AAMDC: variants seen among roughly 807,000 people sequenced by gnomAD.
AAMDC encodes the protein adipogenesis associated Mth938 domain containing.
In AAMDC, 16 loss-of-function variants were observed where a neutral mutation model predicts 15.5. The observed-to-expected ratio is 1.03, with a 90% CI of 0.70 to 1.57. The LOEUF is 1.57. Among genes scored for constraint, AAMDC ranks in the 40% most tolerant of loss-of-function variants. The pLI, the probability that AAMDC is intolerant of heterozygous loss-of-function variation, is 0.00. For missense variants in AAMDC, 141 were observed against 144.9 expected, an observed-to-expected ratio of 0.97 and a Z score of 0.14; for synonymous variants, 51 against 51.6, an observed-to-expected ratio of 0.99 and a Z score of 0.05.
chr11:77,889,476 G>A (rs1227387976), intron 5 of AAMDC, among the ~76,000 whole-genome samples: 1 of 152,062 alleles, frequency 6.6e-6, no homozygotes. Context: ...CAGCACACCA[G>A]CATGGCACAT....
chr11:77,899,502 C>T (rs1026971717), intron 5 of AAMDC, among the ~76,000 whole-genome samples: 2 of 151,934 alleles, frequency 1.3e-5, no homozygotes, highest in African/African-American at 4.8e-5. Context: ...TGAAACCCGT[C>T]TCTACTGAAA....
rs372572892 is a variant in AAMDC, at chr11:77,852,575, G to A, written c.132+9947G>A. On this transcript the variant is annotated intron_variant, in intron 2 of 3. Transcript: ENST00000393427. ...GATTACAATTCAACATGAGATTTGC[G>A]CAGGGACACAAATCCAAACCATATC... 2.8e-4 allele frequency among the ~76,000 whole-genome samples: 43 copies of A among 152,070 alleles called. No individual in the cohort carries two copies. The East Asian group carries it at 3.9e-3, about 14-fold the overall frequency.
chr11:77,858,631 C>G (rs1950742394), intron 2 of AAMDC, among the ~76,000 whole-genome samples: 1 of 152,146 alleles, frequency 6.6e-6, no homozygotes, highest in Non-Finnish European at 1.5e-5. Context: ...TCAGTCCCCC[C>G]TCTCAACAGG....
downstream of AAMDC, among the ~76,000 whole-genome samples, chr11:77,902,081 T>C (rs957440946): frequency 2.0e-5 from 3 of 152,244 alleles, no homozygotes; most frequent in African/African-American, 4.8e-5. Flanking sequence ...TCTATCCAAA[T>C]AAGCGATTTT....
intron 1 of AAMDC, among the ~76,000 whole-genome samples, chr11:77,831,694 CTTT>C (rs532912432): frequency 1.5e-5 from 2 of 135,984 alleles, no homozygotes; most frequent in South Asian, 2.4e-4. Flanking sequence ...ACTTAGGTAT[CTTT>C]TTTTTTTTTT....
At chr11:77,896,536 C>A (rs937195537) in intron 5 of AAMDC, among the ~76,000 whole-genome samples, 2 of 151,560 alleles carry the variant, frequency 1.3e-5, no homozygotes, top group Non-Finnish European at 2.9e-5. Context: ...CCTGTAATCC[C>A]AGCTACTTGG....
At chr11:77,824,600 G>A (rs968955988) in intron 1 of AAMDC, among the ~76,000 whole-genome samples, 1 of 152,098 alleles carries the variant, frequency 6.6e-6, no homozygotes, top group Non-Finnish European at 1.5e-5. Context: ...AAAACATGTT[G>A]AGTAAAAGAA....
intron 2 of AAMDC, among the ~76,000 whole-genome samples, chr11:77,851,823 T>G (rs1248550164): frequency 6.6e-6 from 1 of 152,164 alleles, no homozygotes; most frequent in Non-Finnish European, 1.5e-5. Flanking sequence ...TGTGAAGCAA[T>G]TAAACCTCTT....
chr11:77,852,720 G>GA (rs766227764), intron 2 of AAMDC, among the ~76,000 whole-genome samples: 3 of 151,648 alleles, frequency 2.0e-5, no homozygotes, highest in Admixed American at 6.6e-5. Flanking sequence ...TATTTTTCTG[G>GA]AAAAAATAAG....
Position 77,895,423 on chromosome 11 carries a change from G to A in AAMDC, c.329-5148G>A, listed in dbSNP as rs1173344115. ...CTTCATCATATATTTCCTAGCACAG[G>A]CAGCAGTCAATAAGTATTTGCTGAA... On this transcript the variant is annotated intron_variant, in intron 5 of 5. Transcript: ENST00000304716. 4.7e-5 allele frequency among the ~76,000 whole-genome samples: 7 copies of A among 149,194 alleles called. 1 individual carries two copies. The highest frequency in any genetic ancestry group is 7.4e-5 in the Non-Finnish European group (5 of 67,744).
chr11:77,903,093 G>C (rs1952827107), downstream of AAMDC, among the ~76,000 whole-genome samples: 1 of 152,118 alleles, frequency 6.6e-6, no homozygotes, highest in African/African-American at 2.4e-5. Context: ...TTATAGAAGA[G>C]AAAAAATCCA....
intron 1 of AAMDC, among the ~76,000 whole-genome samples, chr11:77,837,443 T>TTTTGTTTG (rs370882837): frequency 1.3e-5 from 2 of 150,234 alleles, no homozygotes; most frequent in Non-Finnish European, 3.0e-5. Flanking sequence ...TCCCTTTGGT[T>TTTTGTTTG]TTTGTTTGTT....
chr11:77,836,687 C>T (rs866242197), intron 1 of AAMDC, among the ~76,000 whole-genome samples: 4 of 152,166 alleles, frequency 2.6e-5, no homozygotes, highest in South Asian at 2.1e-4. Flanking sequence ...ACCCTGTGGC[C>T]GGGCGCAGCG....
chr11:77,897,001 T>C (rs970704965), intron 5 of AAMDC, among the ~76,000 whole-genome samples: 4 of 151,630 alleles, frequency 2.6e-5, no homozygotes, highest in African/African-American at 4.9e-5. Flanking sequence ...CATTCAACTG[T>C]AACATTAAAT....
intron 5 of AAMDC, among the ~76,000 whole-genome samples, chr11:77,893,619 G>A (rs960015695): frequency 6.6e-6 from 1 of 151,930 alleles, no homozygotes; most frequent in Admixed American, 6.6e-5. Flanking sequence ...GTCAGACACG[G>A]CGGTGGCTCA....
chr11:77,863,545 C>T (rs564952200), intron 2 of AAMDC, among the ~76,000 whole-genome samples: 2 of 152,272 alleles, frequency 1.3e-5, no homozygotes, highest in East Asian at 3.9e-4. Context: ...TGTGCCACTA[C>T]GCCTGGCTAA....
At chr11:77,875,163 C>T (rs898853980), downstream of AAMDC, among the ~76,000 whole-genome samples, 10 of 152,104 alleles carry the variant, frequency 6.6e-5, no homozygotes, top group Non-Finnish European at 1.2e-4. Context: ...AAACCTGAAT[C>T]TTTTTTTGCA....
At chr11:77,869,679 G>T in intron 2 of AAMDC, 43 bp from the exon 3 acceptor site, 1 of 1,567,610 alleles carries the variant, frequency 6.4e-7, no homozygotes, top group Non-Finnish European at 8.8e-7. Context: ...TGCAATGAAA[G>T]ATTGAGAGCA....
At chr11:77,868,257 G>A (rs781498305) in intron 2 of AAMDC, among the ~76,000 whole-genome samples, 15 of 150,866 alleles carry the variant, frequency 9.9e-5, no homozygotes, top group Middle Eastern at 6.8e-3. Context: ...GGGTTTCACC[G>A]TGTTAGCCAG....
Sources: allele counts gnomAD v4.1 joint callset (sites outside exome capture counted in the v4.1 genomes callset), GRCh38; gene constraint gnomAD v4.1.1; transcripts MANE v1.5; gene names NCBI Gene and HGNC (gene_info 2026-07-23, HGNC 2026-07-21).